TJP2: variants seen among roughly 807,000 people sequenced by gnomAD.
TJP2 encodes the protein tight junction protein 2.
In TJP2, 91 loss-of-function variants were observed where a neutral mutation model predicts 133.1. The ratio of observed to expected loss-of-function variants is 0.68; its 90% CI spans 0.58 to 0.81. The LOEUF is 0.81. Among genes scored for constraint, TJP2 ranks in the 40% least tolerant of loss-of-function variants. TJP2 has a pLI of 0.00. For missense variants in TJP2, 1,541 were observed against 1,565.6 expected (o/e 0.98, Z 0.26); for synonymous variants, 592 against 583.4 (o/e 1.01, Z -0.21).
At chr9:69,235,902 A>G (rs576074828) in intron 12 of TJP2, 126 bp from the exon 13 acceptor site, 6 of 847,328 alleles carry the variant, frequency 7.1e-6, no homozygotes, top group East Asian at 2.6e-5. Context: ...TGTGACTCCC[A>G]TAGGACTTGT....
intron 1 of TJP2, among the ~76,000 whole-genome samples, chr9:69,175,135 G>C (rs997451014): frequency 3.3e-5 from 5 of 152,172 alleles, no homozygotes; most frequent in African/African-American, 1.2e-4. Flanking sequence ...GGACAAACTT[G>C]GGAGTGAGTG....
At position 69,234,256 on chromosome 9, in the gene TJP2, C is replaced by G. The variant is rs12551566; in HGVS notation, c.1672-183C>G. 0.047 allele frequency among the ~76,000 whole-genome samples: 7,100 copies of G among 152,074 alleles called. 196 individuals carry two copies. Among genetic ancestry groups the G allele is most frequent in the Middle Eastern group, 0.1 (30 of 294 alleles). On this transcript the variant is annotated intron_variant, in intron 11 of 22. Transcript: ENST00000377245. ...CAGGCCCATAGCAAGGTGCTGGGCG[C>G]GAGGACTTGAATAGTGACATTAAGG...
intron 13 of TJP2, 110 bp from the exon 14 acceptor site, chr9:69,236,839 G>A: frequency 7.0e-6 from 9 of 1,284,628 alleles, no homozygotes; most frequent in Non-Finnish European, 1.0e-5. Context: ...TCATTGTCAA[G>A]CGGAATCTTC....
chr9:69,161,293 A>C (rs950804582), intron 2 of TJP2, among the ~76,000 whole-genome samples: 1 of 151,948 alleles, frequency 6.6e-6, no homozygotes, highest in African/African-American at 2.4e-5. Flanking sequence ...CAATGGCATG[A>C]TCTTGGCTCA....
In TJP2 at chr9:69,227,307, C is replaced by T. The variant is rs764304993; in HGVS notation, c.1211-458C>T. Among the ~76,000 whole-genome samples the T allele has an allele frequency of 6.6e-4, 100 of 152,158 alleles. 1 individual carries two copies. Among genetic ancestry groups the T allele is most frequent in the Non-Finnish European group, 7.8e-4 (53 of 68,026 alleles). On this transcript the variant is annotated intron_variant, in intron 7 of 22. Transcript: ENST00000377245. ...TCCTTGCTACTCAGTATGTGGTCCT[C>T]ATCCCCCAACCCCTGACCCCAATAG...
intron 1 of TJP2, among the ~76,000 whole-genome samples, chr9:69,199,679 G>A (rs1215806626): frequency 3.3e-5 from 5 of 152,208 alleles, no homozygotes. Context: ...ATTTCATTTA[G>A]TGCTCCCTCT....
chr9:69,252,387 C>T (rs190845614), intron 21 of TJP2, among the ~76,000 whole-genome samples: 14 of 152,266 alleles, frequency 9.2e-5, no homozygotes, highest in Admixed American at 5.2e-4. Context: ...ACTTTTTTAT[C>T]CTTCCCACGT....
At chr9:69,192,557 C>T (rs562701337) in intron 1 of TJP2, among the ~76,000 whole-genome samples, 42 of 152,272 alleles carry the variant, frequency 2.8e-4, no homozygotes, top group African/African-American at 7.9e-4. Flanking sequence ...GATTTTCTTT[C>T]GCTAGACAGT....
rs1015735366 is a variant in TJP2 at position 69,237,114 on chromosome 9, T to C, written c.2157T>C (p.Tyr719=). ...VVSVSTKFPA[Y]ERVLLREAGF... is the part of the protein sequence containing the mutation. ...CTGTCAGCACCAAGTTCCCAGCTTATGAGAGGGTTTTGCTGCGAGAAGGTG... is the reference window on the plus strand; with the variant it reads ...CTGTCAGCACCAAGTTCCCAGCTTACGAGAGGGTTTTGCTGCGAGAAGGTG... The change falls in exon 14 of 23, where the codon TAT becomes TAC. Residue 719 remains tyrosine (Y), a synonymous_variant. Transcript: ENST00000377245. 27 of 1,613,918 alleles carry C rather than the reference T, an allele frequency of 1.7e-5. No individual in the cohort carries two copies. Among genetic ancestry groups the C allele is most frequent in the Non-Finnish European group, 2.0e-5 (24 of 1,179,948 alleles).
At chr9:69,202,377 A>G (rs1375813523) in intron 1 of TJP2, among the ~76,000 whole-genome samples, 1 of 152,166 alleles carries the variant, frequency 6.6e-6, no homozygotes, top group Non-Finnish European at 1.5e-5. Context: ...GTTCCAGCAC[A>G]TGAGTTTTGG....
At chr9:69,195,252 T>C (rs1292611221) in intron 1 of TJP2, among the ~76,000 whole-genome samples, 12 of 152,244 alleles carry the variant, frequency 7.9e-5, no homozygotes, top group Non-Finnish European at 8.8e-5. Context: ...TAGTCAGGTT[T>C]AAAATTATAG....
chr9:69,245,459 T>G (rs1324801853), intron 17 of TJP2, among the ~76,000 whole-genome samples: 1 of 152,256 alleles, frequency 6.6e-6, no homozygotes, highest in Non-Finnish European at 1.5e-5. Flanking sequence ...CTTGCTTGTC[T>G]AATTTATCTC....
chr9:69,213,230 A>G (rs1828076257), intron 2 of TJP2, among the ~76,000 whole-genome samples: 2 of 151,828 alleles, frequency 1.3e-5, no homozygotes, highest in Non-Finnish European at 2.9e-5. Context: ...CGCCCGGCTA[A>G]TTTTGTATTT....
rs773233189 is a variant in TJP2 at position 69,221,403 on chromosome 9, C to T, written c.859C>T (p.Arg287Cys). ...CTCTCGGGGACCCCGAAGCCGCAGC[C>T]GCGAGCACCCGCACTCACGGAGCCC... ...ARSRGPRSRS[R>C]EHPHSRSPSP... The change falls in exon 5 of 23, where the codon CGC (arginine) becomes TGC (cysteine). Residue 287 changes from arginine (R) to cysteine (C), a missense_variant. By Grantham distance (180) the Arg-to-Cys change is radical. Transcript: ENST00000377245. The T allele has an allele frequency of 7.0e-6, 11 of 1,580,656 alleles. No individual in the cohort carries two copies. Among genetic ancestry groups the T allele is most frequent in the Admixed American group, 3.6e-5 (2 of 55,220 alleles).
chr9:69,150,491 A>G (rs1246660353), intron 1 of TJP2, among the ~76,000 whole-genome samples: 1 of 151,544 alleles, frequency 6.6e-6, no homozygotes, highest in Non-Finnish European at 1.5e-5. Context: ...ATGGGGTTTC[A>G]CCATGTTGGC....
chr9:69,154,190 TA>T (rs1823623776), intron 2 of TJP2, among the ~76,000 whole-genome samples: 1 of 152,362 alleles, frequency 6.6e-6, no homozygotes, highest in Non-Finnish European at 1.5e-5. Context: ...CTTGAAGACT[TA>T]ACTCCTTAAC....
intron 1 of TJP2, among the ~76,000 whole-genome samples, chr9:69,129,788 AGG>A (rs1822407765): frequency 2.6e-5 from 4 of 151,738 alleles, no homozygotes; most frequent in Non-Finnish European, 5.9e-5. Context: ...AAGCTGAGGC[AGG>A]AGGATCACCT....
chr9:69,240,643 G>GC (rs957283797), intron 17 of TJP2, among the ~76,000 whole-genome samples: 1 of 152,176 alleles, frequency 6.6e-6, no homozygotes, highest in African/African-American at 2.4e-5. Flanking sequence ...ACCAGCCTGA[G>GC]CAACATGGTG....
At chr9:69,132,929 A>G (rs892548979) in intron 1 of TJP2, among the ~76,000 whole-genome samples, 5 of 151,492 alleles carry the variant, frequency 3.3e-5, no homozygotes, top group Non-Finnish European at 7.4e-5. Context: ...TGGTGCCTAG[A>G]TTTCTTCATT....
Sources: gnomAD v4.1 joint callset for allele counts (sites outside exome capture counted in the v4.1 genomes callset) on GRCh38, gnomAD v4.1.1 for gene constraint, MANE v1.5 for transcripts, NCBI Gene and HGNC (gene_info 2026-07-23, HGNC 2026-07-21) for gene names.